The following ANK2 variants were observed in gnomAD, a reference collection of about 807,000 sequenced individuals.
ANK2 encodes ankyrin 2.
ANK2 carries 83 observed loss-of-function variants against 360.5 expected under a neutral mutation model. That is an observed-to-expected ratio of 0.23 (90% CI 0.19 to 0.28). The LOEUF (loss-of-function observed/expected upper bound fraction) is 0.28. ANK2 is among the 10% of genes least tolerant of loss of function. ANK2 has a pLI of 1.00. For missense variants in ANK2, 4,201 were observed against 4,795.7 expected, an observed-to-expected ratio of 0.88 and a Z score of 3.66; for synonymous variants, 1,740 against 1,759.5, an observed-to-expected ratio of 0.99 and a Z score of 0.28.
chr4:112,761,324 TA>T, the ANK2 span, among the ~76,000 whole-genome samples: 11 of 152,046 alleles, frequency 7.2e-5, no homozygotes, highest in Admixed American at 2.6e-4. Context: ...GCTCAATAAA[TA>T]AAAATAAAGT....
intron 30 of ANK2, 92 bp from the exon 31 acceptor site, chr4:113,336,485 T>C (rs937130886): frequency 2.5e-5 from 31 of 1,233,336 alleles, no homozygotes; most frequent in Non-Finnish European, 3.5e-5. Flanking sequence ...AAAAATACTT[T>C]GGGGAAGAAA....
Position 113,354,759 on chromosome 4 carries a change from T to G in ANK2, c.6141T>G (p.Asn2047Lys). Residue 2047 changes from asparagine to lysine, a missense_variant, in exon 38 of 46, where the codon AAT becomes AAG. By Grantham distance (94) the Asn-to-Lys change is moderately conservative. Around this residue, in one of 4 missense-constraint regions of ANK2, gnomAD observed 2,642 missense variants for 2,714.5 expected, o/e 0.97. Coordinates refer to ENST00000357077, the MANE Select transcript of ANK2 (RefSeq NM_001148.6). The part of the protein sequence containing the change: ...LTQREAQKTE[N>K]QTIKRGQRLP... ...AGAGAGAAGCTCAGAAAACAGAGAA[T>G]CAGACAATCAAACGAGGCCAGAGAC... 5.0e-6 allele frequency: 8 copies of G among 1,613,444 alleles called. No homozygotes were observed. Among genetic ancestry groups the G allele is most frequent in the Non-Finnish European group, 6.8e-6 (8 of 1,179,856 alleles).
At chr4:113,321,699 G>A (rs1177763774) in intron 26 of ANK2, among the ~76,000 whole-genome samples, 1 of 151,666 alleles carries the variant, frequency 6.6e-6, no homozygotes, top group Non-Finnish European at 1.5e-5. Context: ...AATTAATTGG[G>A]TGGATTCTTA....
At chr4:113,288,517 A>G (rs753188530) in intron 20 of ANK2, 31 bp downstream of exon 20, 19 of 1,580,118 alleles carry the variant, frequency 1.2e-5, no homozygotes, top group Admixed American at 6.7e-5. Context: ...TTCAATTCCT[A>G]TAAGCAAAAA....
chr4:113,322,304 T>C (rs1049227791), intron 26 of ANK2, among the ~76,000 whole-genome samples: 4 of 152,164 alleles, frequency 2.6e-5, no homozygotes, highest in African/African-American at 9.7e-5. Flanking sequence ...AAAAATCTGT[T>C]CTGCTCAATA....
intron 2 of ANK2, chr4:113,034,720 T>A (rs2061207663): frequency 6.6e-6 from 1 of 152,022 alleles, no homozygotes; most frequent in Non-Finnish European, 1.5e-5. Context: ...TTCTCTTTTC[T>A]CCACTTCCTG....
chr4:113,020,928 A>G (rs970372303), intron 2 of ANK2, among the ~76,000 whole-genome samples: 2 of 151,934 alleles, frequency 1.3e-5, no homozygotes, highest in Non-Finnish European at 2.9e-5. Flanking sequence ...ATATAAAATC[A>G]GGGTATTGCT....
chr4:112,927,364 A>G (rs1443978352), intron 2 of ANK2, among the ~76,000 whole-genome samples: 2 of 152,160 alleles, frequency 1.3e-5, no homozygotes, highest in Non-Finnish European at 2.9e-5. Context: ...AACAACTATA[A>G]ATCCTTACGT....
chr4:112,782,136 GT>G, the ANK2 span, among the ~76,000 whole-genome samples: 1 of 152,048 alleles, frequency 6.6e-6, no homozygotes, highest in Non-Finnish European at 1.5e-5. Flanking sequence ...CCTGGGTTAA[GT>G]TTTTAGAAGT....
At chr4:113,311,528 T>G (rs1374877922) in intron 24 of ANK2, 129 bp downstream of exon 24, 1 of 1,243,868 alleles carries the variant, frequency 8.0e-7, no homozygotes, top group Non-Finnish European at 1.1e-6. Context: ...GCAGTTAGCA[T>G]GTTATGTTTT....
rs1013670416 is a variant in ANK2 at position 113,014,921 on chromosome 4, C to T, written c.21+110407C>T. Among the ~76,000 whole-genome samples, 12 of 134,484 alleles carry T rather than the reference C, an allele frequency of 8.9e-5. No individual in the cohort carries two copies. The East Asian group carries it at 1.9e-3, about 22-fold the overall frequency. The allele number at this position is 134,484 out of a possible 152,430, so 88.2% of individuals were successfully genotyped here. ...TCACCCAGGCTGGAGTGCAGTGGCG[C>T]GATCTCGGCTCACTGCAAGCTCCGC... On this transcript the variant is annotated intron_variant, in intron 2 of 30. Transcript: ENST00000503271.
intron 2 of ANK2, among the ~76,000 whole-genome samples, chr4:112,964,864 C>T (rs562832689): frequency 2.6e-5 from 4 of 152,210 alleles, no homozygotes; most frequent in South Asian, 4.2e-4. Flanking sequence ...CCACCGCGCC[C>T]GGCCATGTAC....
chr4:113,270,578 A>AT (rs549334406), intron 14 of ANK2, among the ~76,000 whole-genome samples: 128 of 151,824 alleles, frequency 8.4e-4, no homozygotes, highest in African/African-American at 2.9e-3. Flanking sequence ...TCTTTTGTTT[A>AT]TTTTTTTTCT....
rs184841917 is a variant in ANK2, at chr4:113,023,570, A to G, written c.21+119056A>G. Among the ~76,000 whole-genome samples the G allele has an allele frequency of 2.9e-4, 44 of 152,342 alleles. No individual in the cohort carries two copies. In the East Asian group the frequency reaches 8.3e-3, roughly 29 times the overall value. On this transcript the variant is annotated intron_variant, in intron 2 of 30. Coordinates refer to the ANK2 transcript ENST00000503271. ...TTTCTCAGAGGTATTGTGTCTGACC[A>G]CAACATCTAAGATAGCACCACCTCT...
At chr4:113,091,951 G>C (rs1031161691) in intron 1 of ANK2, among the ~76,000 whole-genome samples, 1 of 152,028 alleles carries the variant, frequency 6.6e-6, no homozygotes, top group Non-Finnish European at 1.5e-5. Flanking sequence ...TTTGGGCTTT[G>C]GGGACATTCT....
intron 14 of ANK2, among the ~76,000 whole-genome samples, chr4:113,272,989 G>A (rs1176564670): frequency 6.6e-6 from 1 of 152,044 alleles, no homozygotes; most frequent in Non-Finnish European, 1.5e-5. Flanking sequence ...AATAAAAAAT[G>A]TTTATTCTCC....
chr4:113,315,472 G>A (rs948642681), intron 24 of ANK2, among the ~76,000 whole-genome samples: 1 of 152,116 alleles, frequency 6.6e-6, no homozygotes, highest in Non-Finnish European at 1.5e-5. Flanking sequence ...CTTTGAGACC[G>A]GTGTTTCTGC....
intron 2 of ANK2, among the ~76,000 whole-genome samples, chr4:112,979,356 G>C (rs1238761079): frequency 3.3e-5 from 5 of 152,216 alleles, no homozygotes; most frequent in Admixed American, 1.3e-4. Flanking sequence ...GGGTACCTGG[G>C]AACACGGTGG....
At chr4:112,927,140 C>G (rs1488703313) in intron 2 of ANK2, among the ~76,000 whole-genome samples, 1 of 152,148 alleles carries the variant, frequency 6.6e-6, no homozygotes, top group African/African-American at 2.4e-5. Context: ...CTGGTCCCAC[C>G]TTTGACCTGT....
Sources: allele counts gnomAD v4.1 joint callset (sites outside exome capture counted in the v4.1 genomes callset), GRCh38; gene constraint gnomAD v4.1.1; regional missense constraint gnomAD v4.1.1; transcripts MANE v1.5; gene names NCBI Gene and HGNC (gene_info 2026-07-23, HGNC 2026-07-21).